SUGT1: variants seen among roughly 807,000 people sequenced by gnomAD.
SUGT1 encodes the protein protein SGT1 homolog.
Under a neutral mutation model 56.1 loss-of-function variants are expected in SUGT1, and 15 were observed. That is an observed-to-expected ratio of 0.27 (90% CI 0.18 to 0.41). SUGT1 has a LOEUF of 0.41. Ranked by LOEUF, SUGT1 falls within the 10% of genes least tolerant of loss-of-function variation. SUGT1 has a pLI of 1.00. For synonymous variants in SUGT1, 123 were observed against 128.6 expected (o/e 0.96, Z 0.30); for missense variants, 347 against 382.2 (o/e 0.91, Z 0.77).
chr13:52,661,643 A>G (rs1257011338), intron 5 of SUGT1: 1 of 403,816 alleles, frequency 2.5e-6, no homozygotes, highest in Non-Finnish European at 4.9e-6. Context: ...TTTTTATCAG[A>G]CAGGGTAAAG....
intron 3 of SUGT1, 144 bp from the exon 4 acceptor site, chr13:52,658,255 A>C: frequency 6.6e-7 from 1 of 1,521,704 alleles, no homozygotes; most frequent in Non-Finnish European, 8.8e-7. Context: ...TTTGAATTCT[A>C]TCTTGTATTA....
intron 11 of SUGT1, 61 bp downstream of exon 11, chr13:52,676,381 T>A (rs1963144397): frequency 7.5e-7 from 1 of 1,340,856 alleles, no homozygotes; most frequent in African/African-American, 1.5e-5. Flanking sequence ...TGAAATTAAA[T>A]AGTAATGAAC....
chr13:52,678,171 C>T (rs4884223), intron 11 of SUGT1, among the ~76,000 whole-genome samples: 145,627 of 152,214 alleles, frequency 0.96, 69,681 homozygotes, highest in East Asian at 0.99. Flanking sequence ...TCTTAACTTA[C>T]CATGGCACGC....
rs1343524602 is a variant in SUGT1 at position 52,697,432 on chromosome 13, A to G, written c.*9597A>G. ...TTGGGGAGAGTACAGGAGAGGCCAG[A>G]TCTTAAAAGCCAGGAGTGGAATTAG... On this transcript the variant is annotated 3_prime_UTR_variant, in exon 13 of 13. Transcript: ENST00000310528. The G allele has an allele frequency of 6.6e-6, 1 of 152,248 alleles. No homozygotes were observed. 9.4% of individuals were successfully genotyped at this position (152,248 alleles called of 1,614,324 possible). A position where few individuals can be genotyped will look rare whatever the true frequency, so the allele number is the denominator to read the frequency against.
rs55784661 is a variant in SUGT1 at position 52,675,410 on chromosome 13, C to T, written c.628-820C>T. Among the ~76,000 whole-genome samples the T allele has an allele frequency of 3.5e-3, 533 of 152,102 alleles. 3 individuals carry two copies. The highest frequency in any genetic ancestry group is 0.017 in the South Asian group (80 of 4,800). Reference sequence around the variant, plus strand: ...GCAACCTAGTGAGACTCTGTCTCTACGAAAAATTTTAAAAACATTAGCCAG... The same window carrying T: ...GCAACCTAGTGAGACTCTGTCTCTATGAAAAATTTTAAAAACATTAGCCAG... On this transcript the variant is annotated intron_variant, in intron 10 of 12. Transcript: ENST00000310528.
chr13:52,654,359 C>T (rs1190876063), intron 2 of SUGT1, among the ~76,000 whole-genome samples: 1 of 152,138 alleles, frequency 6.6e-6, no homozygotes, highest in African/African-American at 2.4e-5. Context: ...CCTAGTGCTT[C>T]CTTTGGGAAT....
chr13:52,679,830 C>A, intron 11 of SUGT1, 144 bp from the exon 12 acceptor site: 2 of 683,304 alleles, frequency 2.9e-6, no homozygotes, highest in Non-Finnish European at 4.4e-6. Context: ...ACCTATATAC[C>A]AGAAAGACAC....
Position 52,700,456 on chromosome 13 carries a change from C to T in SUGT1, c.*12621C>T, listed in dbSNP as rs1964049696. 1 of 152,118 alleles carries T rather than the reference C, an allele frequency of 6.6e-6. No homozygotes were observed. The allele number at this position is 152,118 out of a possible 1,614,324, so 9.4% of individuals were successfully genotyped here. ...TGTAGTGAGTTCTTCAGTCAGTCAA[C>T]ACTAAACCTGTTTTGTAAATTTGAT... On this transcript the variant is annotated 3_prime_UTR_variant, in exon 13 of 13. Transcript: ENST00000310528.
Position 52,666,878 on chromosome 13 carries a change from A to G in SUGT1, c.586A>G (p.Ile196Val), listed in dbSNP as rs187331422. The G allele has an allele frequency of 5.4e-4, 873 of 1,613,438 alleles. 3 individuals carry two copies. Among genetic ancestry groups the G allele is most frequent in the Non-Finnish European group, 1.5e-4 (173 of 1,179,674 alleles). The change falls in exon 10 of 13, where the codon ATA (isoleucine) becomes GTA (valine). Residue 196 changes from isoleucine to valine, a missense_variant. Coordinates refer to ENST00000310528, the MANE Select transcript of SUGT1 (RefSeq NM_006704.5). ...TTTGAAACTGGAACTTCTTCATCCTATAATACCAGAACAGAGCACGTTTAA... is the reference window on the plus strand; with the variant it reads ...TTTGAAACTGGAACTTCTTCATCCTGTAATACCAGAACAGAGCACGTTTAA... ...YNLKLELLHP[I>V]IPEQSTFKVL...
rs1398630677 is a variant in SUGT1 at position 52,690,894 on chromosome 13, C to G, written c.*3059C>G. 1.3e-5 allele frequency: 2 copies of G among 151,704 alleles called. No homozygotes were observed. The highest frequency in any genetic ancestry group is 2.9e-5 in the Non-Finnish European group (2 of 67,830). 9.4% of individuals were successfully genotyped at this position (151,704 alleles called of 1,614,324 possible). A position where few individuals can be genotyped will look rare whatever the true frequency, so the allele number is the denominator to read the frequency against. Reference sequence around the variant, plus strand: ...CCTTTTTTAAAAATTTGTTTAGAGACACGGTCTTCTTCTATCACCTAGGCT... The same window carrying G: ...CCTTTTTTAAAAATTTGTTTAGAGAGACGGTCTTCTTCTATCACCTAGGCT... On this transcript the variant is annotated 3_prime_UTR_variant, in exon 13 of 13. Coordinates refer to ENST00000310528, the MANE Select transcript of SUGT1 (RefSeq NM_006704.5).
intron 11 of SUGT1, among the ~76,000 whole-genome samples, chr13:52,677,866 G>A (rs1963212332): frequency 6.6e-6 from 1 of 152,288 alleles, no homozygotes; most frequent in South Asian, 2.1e-4. Flanking sequence ...CCATCTCCAG[G>A]TGTTAAAAGT....
chr13:52,668,791 G>A (rs1463952233), intron 10 of SUGT1, among the ~76,000 whole-genome samples: 3 of 147,994 alleles, frequency 2.0e-5, no homozygotes, highest in Admixed American at 1.4e-4. Flanking sequence ...AGATCACTAC[G>A]TTGCACTCCA....
intron 5 of SUGT1, among the ~76,000 whole-genome samples, chr13:52,661,840 A>G (rs549175686): frequency 1.3e-5 from 2 of 152,280 alleles, no homozygotes; most frequent in East Asian, 3.9e-4. Context: ...TTTCTTTTAT[A>G]AATTAGTAAA....
chr13:52,683,138 C>G (rs1963443108), intron 12 of SUGT1, among the ~76,000 whole-genome samples: 1 of 152,074 alleles, frequency 6.6e-6, no homozygotes, highest in Admixed American at 6.5e-5. Flanking sequence ...AACTTCCGCA[C>G]TGTGTTGAAT....
chr13:52,687,925 A>G lies in SUGT1; in HGVS notation c.*90A>G. On this transcript the variant is annotated 3_prime_UTR_variant, in exon 13 of 13. Coordinates refer to ENST00000310528, the MANE Select transcript of SUGT1 (RefSeq NM_006704.5). ...CATTCTTGAATTTTGAACACTGAAT[A>G]TCTTTTTGAAAGATTATACTTCTTT... 1.3e-6 allele frequency: 1 copy of G among 741,606 alleles called. No homozygotes were observed. Among genetic ancestry groups the G allele is most frequent in the Non-Finnish European group, 2.0e-6 (1 of 494,698 alleles). 45.9% of individuals were successfully genotyped at this position (741,606 alleles called of 1,614,324 possible).
At chr13:52,687,525 G>A (rs1963644301) in intron 12 of SUGT1, 2 of 293,908 alleles carry the variant, frequency 6.8e-6, no homozygotes, top group Non-Finnish European at 1.2e-5. Context: ...CCTCTGGAAT[G>A]CCTAAGTTTA....
intron 11 of SUGT1, 103 bp from the exon 12 acceptor site, chr13:52,679,871 A>G (rs1963298039): frequency 7.8e-6 from 9 of 1,148,808 alleles, no homozygotes; most frequent in Non-Finnish European, 1.1e-5. Flanking sequence ...AGTAACCTAA[A>G]CTGTTTGCTA....
intron 11 of SUGT1, among the ~76,000 whole-genome samples, chr13:52,676,607 G>A (rs1486811919): frequency 1.3e-5 from 2 of 152,094 alleles, no homozygotes; most frequent in Non-Finnish European, 1.5e-5. Flanking sequence ...TTAGTTTTGC[G>A]TGTTGGCCCT....
At chr13:52,656,221 T>C (rs1033738241) in intron 2 of SUGT1, among the ~76,000 whole-genome samples, 1 of 152,206 alleles carries the variant, frequency 6.6e-6, no homozygotes, top group Non-Finnish European at 1.5e-5. Flanking sequence ...TACTTTTCAT[T>C]GAGTGATTAC....
Sources: allele counts gnomAD v4.1 joint callset (sites outside exome capture counted in the v4.1 genomes callset), GRCh38; gene constraint gnomAD v4.1.1; transcripts MANE v1.5; gene names NCBI Gene and HGNC (gene_info 2026-07-23, HGNC 2026-07-21).